Variants in SLC26A4 observed in about 807,000 individuals in gnomAD.
SLC26A4 encodes solute carrier family 26 member 4, also known as pendrin.
A neutral mutation model predicts 90.4 loss-of-function variants in SLC26A4; 93 were observed. The ratio of observed to expected loss-of-function variants is 1.03; its 90% CI spans 0.87 to 1.22. The LOEUF (loss-of-function observed/expected upper bound fraction) is 1.22. SLC26A4 is among the 50% of genes most tolerant of loss of function. The pLI, the probability that SLC26A4 is intolerant of heterozygous loss-of-function variation, is 0.00. For missense variants in SLC26A4, 1,127 were observed against 946.2 expected (o/e 1.19, Z -2.51); for synonymous variants, 393 against 354.6 (o/e 1.11, Z -1.22).
intron 8 of SLC26A4, among the ~76,000 whole-genome samples, chr7:107,688,281 G>A (rs569382229): frequency 7.6e-4 from 115 of 152,228 alleles, no homozygotes; most frequent in African/African-American, 2.7e-3. Context: ...AGAAACTTTA[G>A]GCATAAGTGA....
At chr7:107,688,393 G>T (rs1027042318) in intron 8 of SLC26A4, among the ~76,000 whole-genome samples, 52 of 152,294 alleles carry the variant, frequency 3.4e-4, no homozygotes, top group African/African-American at 1.2e-3. Context: ...ATATTTGAGA[G>T]AACCTCGTGG....
intron 10 of SLC26A4, 126 bp downstream of exon 10, chr7:107,690,363 C>T (rs1189687594): frequency 1.4e-6 from 1 of 713,206 alleles, no homozygotes; most frequent in Admixed American, 2.0e-5. Context: ...ATCTGATTCA[C>T]CTCAGGCCTA....
intron 6 of SLC26A4, among the ~76,000 whole-genome samples, chr7:107,677,469 G>A (rs911992132): frequency 2.0e-5 from 3 of 152,046 alleles, no homozygotes; most frequent in Admixed American, 6.5e-5. Flanking sequence ...CAGATGAATA[G>A]ACCTCATGAA....
At chr7:107,686,421 CTTTCTTTCTT>C (rs1371511911) in intron 8 of SLC26A4, among the ~76,000 whole-genome samples, 2 of 81,296 alleles carry the variant, frequency 2.5e-5, no homozygotes, top group Non-Finnish European at 4.5e-5. Flanking sequence ...TTCTTTCTTT[CTTTCTTTCTT>C]TCTTTCTTTC....
intron 19 of SLC26A4, among the ~76,000 whole-genome samples, chr7:107,711,400 T>C (rs1792181211): frequency 6.6e-6 from 1 of 152,164 alleles, no homozygotes; most frequent in Admixed American, 6.5e-5. Context: ...TTTTAGGCTA[T>C]GAATGTCATA....
intron 18 of SLC26A4, among the ~76,000 whole-genome samples, chr7:107,705,076 G>A (rs914552379): frequency 1.3e-5 from 2 of 152,158 alleles, no homozygotes; most frequent in African/African-American, 2.4e-5. Flanking sequence ...CTACTCCTTC[G>A]TTCTGGCTAC....
Position 107,690,227 on chromosome 7 carries a change from G to C in SLC26A4, c.1253G>C (p.Gly418Ala). 5 of 1,589,830 alleles carry C rather than the reference G, an allele frequency of 3.1e-6. No individual in the cohort carries two copies. The highest frequency in any genetic ancestry group is 4.3e-6 in the Non-Finnish European group (5 of 1,157,896). Residue 418 changes from glycine to alanine, a missense_variant, in exon 10 of 21, where the codon GGA becomes GCA. Gly to Ala is a moderately conservative substitution (Grantham distance 60). Transcript: ENST00000644269. ...SRTAVQESTG[G>A]KTQVAGIISA... ...ACGGCCGTCCAGGAGAGCACTGGAGGAAAGACACAGGTAGGAACAACAGCC... is the reference window on the plus strand; with the variant it reads ...ACGGCCGTCCAGGAGAGCACTGGAGCAAAGACACAGGTAGGAACAACAGCC...
intron 8 of SLC26A4, among the ~76,000 whole-genome samples, chr7:107,686,422 TTTC>T (rs1170055571): frequency 1.2e-5 from 1 of 84,872 alleles, no homozygotes; most frequent in Non-Finnish European, 2.2e-5. Flanking sequence ...TCTTTCTTTC[TTTC>T]TTTCTTTCTT....
rs1792360347 is a variant in SLC26A4, at chr7:107,716,901, C to G, written c.*1455C>G. 6.6e-6 allele frequency: 1 copy of G among 152,276 alleles called. No individual in the cohort carries two copies. Among genetic ancestry groups the G allele is most frequent in the Non-Finnish European group, 1.5e-5 (1 of 68,016 alleles). The allele number at this position is 152,276 out of a possible 1,614,324, so 9.4% of individuals were successfully genotyped here. A position where few individuals can be genotyped will look rare whatever the true frequency, so the allele number is the denominator to read the frequency against. On this transcript the variant is annotated 3_prime_UTR_variant, in exon 21 of 21. Coordinates refer to ENST00000644269, the MANE Select transcript of SLC26A4 (RefSeq NM_000441.2). ...CTCTGTTTTTCTTCTGAAATACAAC[C>G]AGAAACAATGTGTCTATTTCTGAAA...
intron 18 of SLC26A4, 76 bp downstream of exon 18, chr7:107,704,461 A>T: frequency 2.9e-6 from 2 of 689,756 alleles, no homozygotes. Flanking sequence ...CTGTGGTCAC[A>T]TTATGTCTGA....
intron 3 of SLC26A4, among the ~76,000 whole-genome samples, chr7:107,671,520 C>A (rs1394029046): frequency 6.6e-6 from 1 of 152,170 alleles, no homozygotes; most frequent in Non-Finnish European, 1.5e-5. Flanking sequence ...TGGTGGAAGA[C>A]TGAATTACTG....
At chr7:107,677,441 T>TTAG (rs1396425177) in intron 6 of SLC26A4, among the ~76,000 whole-genome samples, 1 of 151,928 alleles carries the variant, frequency 6.6e-6, no homozygotes, top group East Asian at 1.9e-4. Context: ...AGAATTGAGT[T>TTAG]TATTATTATT....
chr7:107,667,142 T>C (rs1187895757), intron 3 of SLC26A4, among the ~76,000 whole-genome samples: 2 of 152,034 alleles, frequency 1.3e-5, no homozygotes, highest in Non-Finnish European at 2.9e-5. Context: ...ATGCTAAGTT[T>C]GAGACACAGG....
intron 12 of SLC26A4, 29 bp downstream of exon 12, chr7:107,694,745 G>A: frequency 6.8e-7 from 1 of 1,473,196 alleles, no homozygotes; most frequent in Non-Finnish European, 9.5e-7. Flanking sequence ...ATATTTATCT[G>A]AAATAAGATT....
chr7:107,689,014 T>G, intron 8 of SLC26A4, 39 bp from the exon 9 acceptor site: 8 of 1,611,280 alleles, frequency 5.0e-6, no homozygotes, highest in Non-Finnish European at 6.8e-6. Context: ...AGGATGGTGG[T>G]CAAATCTTCA....
intron 19 of SLC26A4, among the ~76,000 whole-genome samples, chr7:107,710,872 T>A (rs1350064249): frequency 6.6e-6 from 1 of 152,214 alleles, no homozygotes; most frequent in Non-Finnish European, 1.5e-5. Context: ...ATCTCATTTC[T>A]CATAGTGAAT....
rs551888561 is a variant in SLC26A4, at chr7:107,695,950, G to A, written c.1455G>A (p.Thr485=). 1.7e-5 allele frequency: 28 copies of A among 1,600,906 alleles called. No individual in the cohort carries two copies. Among genetic ancestry groups the A allele is most frequent in the Middle Eastern group, 1.7e-4 (1 of 6,044 alleles). The change falls in exon 13 of 21, where the codon ACG becomes ACA. Residue 485 remains threonine, a synonymous_variant. Coordinates refer to ENST00000644269, the MANE Select transcript of SLC26A4 (RefSeq NM_000441.2). ...NKIDAVIWVF[T]CIVSIILGLD... ...TTCCCTAGGTTATCTGGGTGTTTAC[G>A]TGTATAGTGTCCATCATTCTGGGGC... is the stretch of plus-strand genomic sequence containing the variant.
rs1562829501 is a variant in SLC26A4 at position 107,683,464 on chromosome 7, GC to G, written c.929del (p.Ala310ValfsTer34). On this transcript the variant is annotated frameshift_variant, in exon 8 of 21. Transcript: ENST00000644269. LOFTEE classifies it high-confidence loss of function. ...IPIEVIVTII[A>X]TAISYGANLE... Reference sequence around the variant, plus strand: ...TTTTGTTTTATTTCAGACGATAATTGCTACTGCCATTTCATATGGAGCCAAC... The same window carrying G: ...TTTTGTTTTATTTCAGACGATAATTGTACTGCCATTTCATATGGAGCCAAC... 1 of 1,613,728 alleles carries G rather than the reference GC, an allele frequency of 6.2e-7. No homozygotes were observed. The highest frequency in any genetic ancestry group is 8.5e-7 in the Non-Finnish European group (1 of 1,179,742).
intron 10 of SLC26A4, chr7:107,693,832 C>A: frequency 2.4e-6 from 1 of 419,214 alleles, no homozygotes; most frequent in Non-Finnish European, 3.3e-6. Flanking sequence ...CACAATCCCA[C>A]CTCTCAATGT....
Sources: allele counts gnomAD v4.1 joint callset (sites outside exome capture counted in the v4.1 genomes callset), GRCh38; gene constraint gnomAD v4.1.1; transcripts MANE v1.5; gene names NCBI Gene and HGNC (gene_info 2026-07-23, HGNC 2026-07-21).